The following LRRC23 variants were observed in gnomAD, a reference collection of about 807,000 sequenced individuals.
LRRC23 encodes leucine rich repeat containing 23.
Under a neutral mutation model 37.7 loss-of-function variants are expected in LRRC23, and 28 were observed. The ratio of observed to expected loss-of-function variants is 0.74; its 90% CI spans 0.55 to 1.02. The LOEUF (loss-of-function observed/expected upper bound fraction) is 1.02. Ranked by LOEUF, LRRC23 falls within the 50% of genes least tolerant of loss-of-function variation. LRRC23 has a pLI of 0.00. For synonymous variants in LRRC23, 161 were observed against 165.4 expected (o/e 0.97, Z 0.20); for missense variants, 377 against 413.2 (o/e 0.91, Z 0.76).
intron 3 of LRRC23, 27 bp from the exon 4 acceptor site, chr12:6,906,382 G>T (rs1555139574): frequency 1.2e-6 from 2 of 1,607,980 alleles, no homozygotes; most frequent in South Asian, 2.2e-5. Flanking sequence ...CCTAAACCTG[G>T]TTTCTTCTCC....
In LRRC23 at chr12:6,910,037, TC is replaced by T. The variant is rs782331161; in HGVS notation, c.758+12del. The T allele has an allele frequency of 6.9e-6, 11 of 1,599,792 alleles. No individual in the cohort carries two copies. Among genetic ancestry groups the T allele is most frequent in the Non-Finnish European group, 9.4e-6 (11 of 1,173,014 alleles). On this transcript the variant is annotated intron_variant, in intron 6 of 7. Transcript: ENST00000443597. Reference sequence around the variant, plus strand: ...GTACCTCAACCTGAGGTATGCACCCTCTCCAAGCCCCACCTTGCCCCTACCC... The same window carrying T: ...GTACCTCAACCTGAGGTATGCACCCTTCCAAGCCCCACCTTGCCCCTACCC...
At position 6,913,551 on chromosome 12, in the gene LRRC23, G is replaced by GTTTTTTTTTTTTTTTTTTT. The variant is rs1248085636; in HGVS notation, c.*25-337_*25-336insTTTTTTTTTTTTTTTTTTT. On this transcript the variant is annotated intron_variant, in intron 7 of 7. Transcript: ENST00000443597. ...TAGGGGAGAGGCTTTATTTACCTCT[G>GTTTTTTTTTTTTTTTTTTT]TTTGTTTTTTTTTTTTTTTTTTTTT... 6.8e-4 allele frequency among the ~76,000 whole-genome samples: 53 copies of GTTTTTTTTTTTTTTTTTTT among 78,172 alleles called. 19 individuals are homozygous for GTTTTTTTTTTTTTTTTTTT. The highest frequency in any genetic ancestry group is 2.3e-3 in the African/African-American group (45 of 19,546). The allele number at this position is 78,172 out of a possible 152,430, so 51.3% of individuals were successfully genotyped here.
At chr12:6,909,329 T>TATA (rs374200423) in intron 5 of LRRC23, among the ~76,000 whole-genome samples, 3 of 12,834 alleles carry the variant, frequency 2.3e-4, no homozygotes, top group African/African-American at 2.5e-3. Flanking sequence ...TTATATATAA[T>TATA]ATATATAATA....
At chr12:6,906,365 G>C (rs373789905) in intron 3 of LRRC23, 44 bp from the exon 4 acceptor site, 77 of 1,595,178 alleles carry the variant, frequency 4.8e-5, no homozygotes, top group Non-Finnish European at 6.5e-5. Flanking sequence ...CTCACTGGGT[G>C]CTTAACCCTA....
chr12:6,906,626 A>G lies in LRRC23; in HGVS notation c.454A>G (p.Ile152Val). 6.2e-7 allele frequency: 1 copy of G among 1,614,216 alleles called. No individual in the cohort carries two copies. The highest frequency in any genetic ancestry group is 8.5e-7 in the Non-Finnish European group (1 of 1,180,044). The change falls in exon 4 of 8, where the codon ATC becomes GTC. Residue 152 changes from isoleucine (I) to valine (V), a missense_variant. Ile to Val is a conservative substitution (Grantham distance 29). Coordinates refer to ENST00000443597, the MANE Select transcript of LRRC23 (RefSeq NM_001135217.2). Reference sequence around the variant, plus strand: ...TAACCAGATTACTGACACTGAAGGCATCTCTCATCCTCGTCTTGAAACCCT... The same window carrying G: ...TAACCAGATTACTGACACTGAAGGCGTCTCTCATCCTCGTCTTGAAACCCT... Reference protein sequence around the residue: ...AYNQITDTEGISHPRLETLNL... With the variant: ...AYNQITDTEGVSHPRLETLNL...
At chr12:6,907,293 C>T (rs782161697) in intron 4 of LRRC23, 22 bp from the exon 5 acceptor site, 18 of 1,612,200 alleles carry the variant, frequency 1.1e-5, no homozygotes, top group Non-Finnish European at 1.5e-5. Flanking sequence ...GCCCTTTGAG[C>T]TCTTGAAACC....
Position 6,914,015 on chromosome 12 carries a change from A to G in LRRC23, c.*149A>G. Reference sequence around the variant, plus strand: ...GGAAATTCATCACAACCTGAGGCCCAGGATCTGCTCTGTGCCGGTCCTCTG... The same window carrying G: ...GGAAATTCATCACAACCTGAGGCCCGGGATCTGCTCTGTGCCGGTCCTCTG... On this transcript the variant is annotated 3_prime_UTR_variant, in exon 8 of 8. Coordinates refer to ENST00000443597, the MANE Select transcript of LRRC23 (RefSeq NM_001135217.2). The surrounding 1 kb of genome is among the most constrained non-coding windows in gnomAD (Gnocchi z 7.1). The G allele has an allele frequency of 6.2e-7, 1 of 1,613,686 alleles. No homozygotes were observed. The highest frequency in any genetic ancestry group is 8.5e-7 in the Non-Finnish European group (1 of 1,179,752).
intron 5 of LRRC23, among the ~76,000 whole-genome samples, chr12:6,908,733 A>C (rs1272112933): frequency 2.7e-5 from 4 of 149,750 alleles, no homozygotes; most frequent in African/African-American, 9.8e-5. Context: ...CTGAGGCAGG[A>C]GAATGGCGTG....
chr12:6,909,089 ATATAT>A (rs1264168827), intron 5 of LRRC23, among the ~76,000 whole-genome samples: 2 of 42,850 alleles, frequency 4.7e-5, no homozygotes, highest in Non-Finnish European at 3.3e-5. Context: ...TTATATAATT[ATATAT>A]TATATATAAT....
At chr12:6,909,077 T>TA (rs1945034961) in intron 5 of LRRC23, among the ~76,000 whole-genome samples, 4 of 43,278 alleles carry the variant, frequency 9.2e-5, no homozygotes, top group African/African-American at 5.8e-4. Flanking sequence ...ATATATTATA[T>TA]ATTATATAAT....
At chr12:6,913,559 T>TG (rs1565556381) in intron 7 of LRRC23, among the ~76,000 whole-genome samples, 1 of 103,936 alleles carries the variant, frequency 9.6e-6, no homozygotes, top group Non-Finnish European at 1.8e-5. Context: ...CTGTTTGTTT[T>TG]TTTTTTTTTT....
At chr12:6,905,798 A>G (rs2071071) in intron 2 of LRRC23, 39 bp downstream of exon 2, 324,560 of 1,601,862 alleles carry the variant, frequency 0.2, 37,124 homozygotes, top group African/African-American at 0.47. Flanking sequence ...GGGCTGAAGG[A>G]GGGGGTTGGG....
At chr12:6,913,659 G>A (rs7955787) in intron 7 of LRRC23, 61,857 of 219,288 alleles carry the variant, frequency 0.28, 9,123 homozygotes, top group African/African-American at 0.38. Context: ...CCACCTCCTG[G>A]GTTCAAGCAA....
At position 6,910,755 on chromosome 12, in the gene LRRC23, T is replaced by G. The variant is rs782540677; in HGVS notation, c.758+729T>G. ...ATTAAATAAAAATTAAAATATTAAATTAAAAATAAAAATTAACTGAGCCTG... is the reference window on the plus strand; with the variant it reads ...ATTAAATAAAAATTAAAATATTAAAGTAAAAATAAAAATTAACTGAGCCTG... On this transcript the variant is annotated intron_variant, in intron 6 of 7. Coordinates refer to ENST00000443597, the MANE Select transcript of LRRC23 (RefSeq NM_001135217.2). 5.3e-5 allele frequency among the ~76,000 whole-genome samples: 8 copies of G among 151,056 alleles called. No individual in the cohort carries two copies. The East Asian group carries it at 1.6e-3, about 29-fold the overall frequency.
chr12:6,907,496 G>A (rs782156947), intron 5 of LRRC23, 51 bp downstream of exon 5: 2 of 1,594,668 alleles, frequency 1.3e-6, no homozygotes, highest in South Asian at 2.2e-5. Context: ...CTGTCCTGGG[G>A]GTCAGGATGC....
At chr12:6,912,663 C>T in intron 6 of LRRC23, 67 bp from the exon 7 acceptor site, 3 of 1,419,504 alleles carry the variant, frequency 2.1e-6, no homozygotes, top group Non-Finnish European at 2.9e-6. Flanking sequence ...CCCAGAGGCC[C>T]CATTCCTAGC....
chr12:6,909,879 T>TG lies in LRRC23; in HGVS notation c.622-6dup. 6.2e-7 allele frequency: 1 copy of TG among 1,608,262 alleles called. No individual in the cohort carries two copies. The highest frequency in any genetic ancestry group is 8.5e-7 in the Non-Finnish European group (1 of 1,176,996). ...CCCTCTCAATCAATCCACTGTGCCC[T>TG]GGGGGTCTAGGCCCAAAACATGCTG... On this transcript the variant is annotated splice_polypyrimidine_tract_variant and intron_variant, in intron 5 of 7. Transcript: ENST00000443597.
chr12:6,908,111 AG>A (rs1326010847), intron 5 of LRRC23, among the ~76,000 whole-genome samples: 4 of 152,166 alleles, frequency 2.6e-5, no homozygotes, highest in African/African-American at 9.7e-5. Context: ...AGAGATGCTT[AG>A]GGCGAAGTAT....
chr12:6,909,179 TA>T (rs1945060355), intron 5 of LRRC23, among the ~76,000 whole-genome samples: 1 of 26,674 alleles, frequency 3.7e-5, no homozygotes, highest in South Asian at 8.6e-4. Context: ...ATATAATATA[TA>T]ATTATATATT....
Sources: gnomAD v4.1 joint callset for allele counts (sites outside exome capture counted in the v4.1 genomes callset) on GRCh38, gnomAD v4.1.1 for gene constraint, Gnocchi (gnomAD v3.1) non-coding constraint, MANE v1.5 for transcripts, NCBI Gene and HGNC (gene_info 2026-07-23, HGNC 2026-07-21) for gene names.